Variants in HS3ST6 observed in about 807,000 individuals in gnomAD.
HS3ST6 encodes heparan sulfate-glucosamine 3-sulfotransferase 6.
In HS3ST6, 13 loss-of-function variants were observed where a neutral mutation model predicts 11.0. That is an observed-to-expected ratio of 1.18 (90% CI 0.77 to 1.88). HS3ST6 has a LOEUF of 1.88. HS3ST6 is among the 40% of genes most tolerant of loss of function. The pLI is 0.00. For synonymous variants in HS3ST6, 232 were observed against 230.6 expected (o/e 1.01, Z -0.06); for missense variants, 541 against 494.4 (o/e 1.09, Z -0.89).
Position 1,912,328 on chromosome 16 carries a change from C to A in HS3ST6, c.414-123G>T. On this transcript the variant is annotated intron_variant, in intron 1 of 1. Coordinates refer to ENST00000454677, the MANE Select transcript of HS3ST6 (RefSeq NM_001009606.4). This position sits in a 1 kb window ranked among gnomAD's most constrained non-coding sequence, Gnocchi z 5.6. Reference sequence around the variant, plus strand: ...CAGGCCTCCAGGGCGAGCAAGTCTTCCTCCCTGCTCGGGCCCACCCCTGCT... The same window carrying A: ...CAGGCCTCCAGGGCGAGCAAGTCTTACTCCCTGCTCGGGCCCACCCCTGCT... 1 of 908,714 alleles carries A rather than the reference C, an allele frequency of 1.1e-6. No homozygotes were observed. Among genetic ancestry groups the A allele is most frequent in the Non-Finnish European group, 1.5e-6 (1 of 685,044 alleles). The allele number at this position is 908,714 out of a possible 1,614,324, so 56.3% of individuals were successfully genotyped here.
rs778940497 is a variant in HS3ST6, at chr16:1,911,666, C to G, written c.953G>C (p.Arg318Pro). The change falls in exon 2 of 2, where the codon CGG becomes CCG. Residue 318 changes from arginine to proline, a missense_variant. Coordinates refer to ENST00000454677, the MANE Select transcript of HS3ST6 (RefSeq NM_001009606.4). ...PHPRVPQALVRRLQEFYRPFN... is the reference protein window; with the variant it reads ...PHPRVPQALVPRLQEFYRPFN... ...GGGCCGGTAGAACTCCTGCAGGCGC[C>G]GGACCAGGGCCTGGGGCACGCGTGG... The G allele has an allele frequency of 5.0e-6, 8 of 1,610,912 alleles. No homozygotes were observed. The Admixed American group carries it at 1.2e-4, about 24-fold the overall frequency.
chr16:1,911,933 G>A lies in HS3ST6; in HGVS notation c.686C>T (p.Ala229Val). 2 of 1,597,220 alleles carry A rather than the reference G, an allele frequency of 1.3e-6. No homozygotes were observed. ...GCGCAGCCAGTGGTCCAGGTGCTGG[G>A]CGTACAGGCCGATGCGGACGGCGCT... ...AWSAVRIGLY[A>V]QHLDHWLRYF... The change falls in exon 2 of 2, where the codon GCC becomes GTC. Residue 229 changes from alanine to valine, a missense_variant. Ala to Val is a moderately conservative substitution (Grantham distance 64). Coordinates refer to ENST00000454677, the MANE Select transcript of HS3ST6 (RefSeq NM_001009606.4).
intron 1 of HS3ST6, among the ~76,000 whole-genome samples, chr16:1,917,234 C>T (rs893254997): frequency 6.6e-6 from 1 of 152,186 alleles, no homozygotes; most frequent in Non-Finnish European, 1.5e-5. Flanking sequence ...GCGCTGGGTC[C>T]AAGCTTGGGG....
At chr16:1,913,710 G>A (rs2082907956) in intron 1 of HS3ST6, among the ~76,000 whole-genome samples, 1 of 152,194 alleles carries the variant, frequency 6.6e-6, no homozygotes, top group Non-Finnish European at 1.5e-5. Context: ...AGGCTGACCT[G>A]CCAGGAGTGA....
intron 1 of HS3ST6, among the ~76,000 whole-genome samples, chr16:1,914,042 C>T (rs1395073082): frequency 6.6e-6 from 1 of 152,168 alleles, no homozygotes; most frequent in African/African-American, 2.4e-5. Context: ...ACAGAGGGAG[C>T]TGGGACTCCC....
chr16:1,918,370 C>T lies in HS3ST6; in HGVS notation c.-47G>A, dbSNP rs1278468152. The T allele has an allele frequency of 4.5e-6, 1 of 224,502 alleles. No individual in the cohort carries two copies. The allele number at this position is 224,502 out of a possible 1,614,324, so 13.9% of individuals were successfully genotyped here. A position where few individuals can be genotyped will look rare whatever the true frequency, so the allele number is the denominator to read the frequency against. ...CGGGAGCGGGGGCAGCAGGCGGGCG[C>T]GCATCTCGGCCCGCGCGCCGCTCAG... is the stretch of plus-strand genomic sequence containing the variant. On this transcript the variant is annotated 5_prime_UTR_variant, in exon 1 of 2. Coordinates refer to ENST00000454677, the MANE Select transcript of HS3ST6 (RefSeq NM_001009606.4). This position sits in a 1 kb window ranked among gnomAD's most constrained non-coding sequence, Gnocchi z 6.0.
intron 1 of HS3ST6, among the ~76,000 whole-genome samples, chr16:1,917,358 G>A (rs2082932829): frequency 6.6e-6 from 1 of 152,140 alleles, no homozygotes; most frequent in Admixed American, 6.5e-5. Context: ...ACTCACCCTG[G>A]GCACTCACCT....
At chr16:1,913,530 A>G (rs1039429859) in intron 1 of HS3ST6, among the ~76,000 whole-genome samples, 3 of 152,234 alleles carry the variant, frequency 2.0e-5, no homozygotes, top group Non-Finnish European at 4.4e-5. Context: ...AGGTCAGCTG[A>G]GCAAACAGCT....
chr16:1,920,414 C>A (rs1252713705), upstream of HS3ST6, among the ~76,000 whole-genome samples: 1 of 126,418 alleles, frequency 7.9e-6, no homozygotes, highest in African/African-American at 2.9e-5. Context: ...GCAGTCCCCA[C>A]GGTCTCAGCC....
chr16:1,915,558 G>A (rs1383477584), intron 1 of HS3ST6, among the ~76,000 whole-genome samples: 1 of 152,242 alleles, frequency 6.6e-6, no homozygotes, highest in Non-Finnish European at 1.5e-5. Flanking sequence ...TTACAGGCGT[G>A]AGCCACTGTG....
chr16:1,911,633 C>T lies in HS3ST6; in HGVS notation c.986G>A (p.Arg329His), dbSNP rs746745256. The T allele has an allele frequency of 2.5e-6, 4 of 1,608,362 alleles. No homozygotes were observed. The highest frequency in any genetic ancestry group is 1.3e-5 in the African/African-American group (1 of 74,786). The change falls in exon 2 of 2, where the codon CGC (arginine) becomes CAC (histidine). Residue 329 changes from arginine to histidine, a missense_variant. Transcript: ENST00000454677. ...RLQEFYRPFN[R>H]RFYQMTGQDF... The stretch of plus-strand genomic sequence containing the variant: ...CTGGCCCGTCATCTGGTAGAACCTG[C>T]GGTTGAAGGGCCGGTAGAACTCCTG...
intron 1 of HS3ST6, among the ~76,000 whole-genome samples, chr16:1,915,114 C>T (rs1421573685): frequency 6.6e-6 from 1 of 152,176 alleles, no homozygotes; most frequent in Non-Finnish European, 1.5e-5. Flanking sequence ...ATGCCAAAGC[C>T]AGAAAGTGCA....
At chr16:1,914,715 C>T (rs974159540) in intron 1 of HS3ST6, among the ~76,000 whole-genome samples, 1 of 151,620 alleles carries the variant, frequency 6.6e-6, no homozygotes, top group Non-Finnish European at 1.5e-5. Context: ...GGTTCCCGGA[C>T]CCCCTGCCGT....
chr16:1,913,988 C>A (rs1657144), intron 1 of HS3ST6, among the ~76,000 whole-genome samples: 23,368 of 152,164 alleles, frequency 0.15, 1,954 homozygotes, highest in South Asian at 0.19. Flanking sequence ...CTGGGCAGAG[C>A]TGGCCTACAG....
intron 1 of HS3ST6, among the ~76,000 whole-genome samples, chr16:1,913,800 G>C (rs1264179567): frequency 6.6e-6 from 1 of 152,158 alleles, no homozygotes; most frequent in African/African-American, 2.4e-5. Context: ...CGCAGGCTGG[G>C]CCAGAGGCAG....
intron 1 of HS3ST6, among the ~76,000 whole-genome samples, 164 bp downstream of exon 1, chr16:1,917,747 G>C (rs337288): frequency 0.62 from 94,353 of 151,982 alleles, 29,458 homozygotes; most frequent in Middle Eastern, 0.78. Context: ...TCCGGAGCCG[G>C]GACCCCAGGT....
rs142644766 is a variant in HS3ST6 at position 1,911,835 on chromosome 16, G to C, written c.784C>G (p.Arg262Gly). ...TTCAGGCCCAGGAAGTCCTGCACGC[G>C]GCCGACCTCTCCGGCCGGGTCGCTG... ...LVSDPAGEVG[R>G]VQDFLGLKRV... Residue 262 changes from arginine to glycine, a missense_variant, in exon 2 of 2, where the codon CGC (arginine) becomes GGC (glycine). By Grantham distance (125) the Arg-to-Gly change is moderately radical (BLOSUM62 -2). Coordinates refer to ENST00000454677, the MANE Select transcript of HS3ST6 (RefSeq NM_001009606.4). The C allele has an allele frequency of 2.5e-6, 4 of 1,612,964 alleles. No homozygotes were observed. The South Asian group carries it at 4.4e-5, about 18-fold the overall frequency.
chr16:1,919,422 G>A (rs772847149), upstream of HS3ST6, among the ~76,000 whole-genome samples: 5 of 152,226 alleles, frequency 3.3e-5, no homozygotes, highest in African/African-American at 7.2e-5. Flanking sequence ...GGGGAGGCGA[G>A]CCGGGCTCAG....
rs2082941235 is a variant in HS3ST6, at chr16:1,918,277, C to T, written c.47G>A (p.Gly16Asp). ...AGCGGCCCCTTGCCCGGCCCCTGCG[C>T]CCTGGCCGCCCCCGGCCCCGCCGCC... Reference protein sequence around the residue: ...GLGGGAGGGQGAGAGQGAALR... With the variant: ...GLGGGAGGGQDAGAGQGAALR... Residue 16 changes from glycine (G) to aspartate (D), a missense_variant, in exon 1 of 2, where the codon GGC becomes GAC. By Grantham distance (94) the Gly-to-Asp change is moderately conservative. Coordinates refer to ENST00000454677, the MANE Select transcript of HS3ST6 (RefSeq NM_001009606.4). This position sits in a 1 kb window ranked among gnomAD's most constrained non-coding sequence, Gnocchi z 6.0. The T allele has an allele frequency of 2.2e-6, 2 of 909,970 alleles. No individual in the cohort carries two copies. Among genetic ancestry groups the T allele is most frequent in the African/African-American group, 3.6e-5 (2 of 55,364 alleles). The allele number at this position is 909,970 out of a possible 1,614,324, so 56.4% of individuals were successfully genotyped here.
Sources: gnomAD v4.1 joint callset for allele counts (sites outside exome capture counted in the v4.1 genomes callset) on GRCh38, gnomAD v4.1.1 for gene constraint, Gnocchi (gnomAD v3.1) non-coding constraint, MANE v1.5 for transcripts, NCBI Gene and HGNC (gene_info 2026-07-23, HGNC 2026-07-21) for gene names.